PDE10A: variants seen among roughly 807,000 people sequenced by gnomAD.
PDE10A encodes the protein phosphodiesterase 10A.
PDE10A carries 39 observed loss-of-function variants against 97.7 expected under a neutral mutation model. The ratio of observed to expected loss-of-function variants is 0.40; its 90% CI spans 0.31 to 0.52. The LOEUF is 0.52. Ranked by LOEUF, PDE10A falls within the 20% of genes least tolerant of loss-of-function variation. The pLI is 0.56. For synonymous variants in PDE10A, 371 were observed against 376.8 expected (o/e 0.98, Z 0.18); for missense variants, 731 against 1,047.8 (o/e 0.70, Z 4.17).
At chr6:165,612,299 A>G (rs981823373) in intron 1 of PDE10A, among the ~76,000 whole-genome samples, 2 of 152,206 alleles carry the variant, frequency 1.3e-5, no homozygotes, top group African/African-American at 4.8e-5. Flanking sequence ...AGCAAACATC[A>G]GGAATGCTCT....
In PDE10A at chr6:165,379,201, A is replaced by G; in HGVS notation, c.2776T>C (p.Ser926Pro). 6.2e-7 allele frequency: 1 copy of G among 1,600,668 alleles called. No individual in the cohort carries two copies. Among genetic ancestry groups the G allele is most frequent in the Non-Finnish European group, 8.5e-7 (1 of 1,174,694 alleles). ...QTGSLNLNNQSHRDRVIGLMM... is the reference protein window; with the variant it reads ...QTGSLNLNNQPHRDRVIGLMM... ...TTTAAAAATTATTTTTACCTATGTG[A>G]TTGATTATTAAGGTTTAGTGATCCG... Residue 926 changes from serine to proline, a missense_variant, in exon 18 of 22, where the codon TCA becomes CCA. By Grantham distance (74) the Ser-to-Pro change is moderately conservative. This residue lies in a region of PDE10A where 96 missense variants were observed against 156.7 expected (regional missense o/e 0.61). Coordinates refer to ENST00000539869, the MANE Select transcript of PDE10A (RefSeq NM_001385079.1).
At chr6:165,395,923 G>A (rs1274524954) in intron 14 of PDE10A, among the ~76,000 whole-genome samples, 2 of 152,062 alleles carry the variant, frequency 1.3e-5, no homozygotes, top group Non-Finnish European at 2.9e-5. Flanking sequence ...CAGTATGAGA[G>A]TCAAACTATG....
chr6:165,367,751 G>A (rs561208627), intron 18 of PDE10A, among the ~76,000 whole-genome samples: 2 of 151,158 alleles, frequency 1.3e-5, no homozygotes, highest in African/African-American at 2.4e-5. Flanking sequence ...TCTAAGTCCA[G>A]TGAAAATATC....
chr6:165,839,891 C>CCTCATCCCCATCCTATCT (rs1780185345), intron 1 of PDE10A, among the ~76,000 whole-genome samples: 1 of 143,486 alleles, frequency 7.0e-6, no homozygotes, highest in African/African-American at 2.6e-5. Context: ...CTGTCTCCAT[C>CCTCATCCCCATCCTATCT]CCCATTCCCA....
At chr6:165,827,751 G>A (rs117688664) in intron 1 of PDE10A, among the ~76,000 whole-genome samples, 5,570 of 152,194 alleles carry the variant, frequency 0.037, 136 homozygotes, top group Middle Eastern at 0.078. Flanking sequence ...TTGGTCACCC[G>A]TCACCCAAGC....
rs758029619 is a variant in PDE10A at position 165,703,774 on chromosome 6, C to G, written c.-614-160206G>C. Among the ~76,000 whole-genome samples the G allele has an allele frequency of 1.7e-3, 266 of 152,358 alleles. 2 individuals are homozygous for G. Among genetic ancestry groups the G allele is most frequent in the Non-Finnish European group, 6.0e-4 (41 of 68,038 alleles). On this transcript the variant is annotated intron_variant, in intron 1 of 19. Coordinates refer to the PDE10A transcript ENST00000366882. ...GCCCTCCATGGGTCCTCCCATCTCC[C>G]TGCTTCCATCCCGTCAGTCCCCCCA... is the stretch of plus-strand genomic sequence containing the variant.
At chr6:165,861,500 G>T (rs1331066758) in intron 1 of PDE10A, among the ~76,000 whole-genome samples, 1 of 151,828 alleles carries the variant, frequency 6.6e-6, no homozygotes, top group Non-Finnish European at 1.5e-5. Flanking sequence ...CATAAAGGGG[G>T]GACGAGGGCC....
intron 1 of PDE10A, among the ~76,000 whole-genome samples, chr6:165,543,821 C>T (rs1272264398): frequency 6.7e-6 from 1 of 148,672 alleles, no homozygotes; most frequent in Non-Finnish European, 1.5e-5. Flanking sequence ...CTAAATTGTA[C>T]GCTTAAAACA....
At chr6:165,350,194 G>T (rs1782604117) in intron 18 of PDE10A, among the ~76,000 whole-genome samples, 1 of 152,214 alleles carries the variant, frequency 6.6e-6, no homozygotes, top group Admixed American at 6.5e-5. Flanking sequence ...AGCCGGGAGG[G>T]TAACTGTATC....
intron 1 of PDE10A, among the ~76,000 whole-genome samples, chr6:165,883,429 C>T (rs1781541411): frequency 6.6e-6 from 1 of 151,870 alleles, no homozygotes; most frequent in Non-Finnish European, 1.5e-5. Context: ...GTAATCCCAG[C>T]TACTCAGGAG....
chr6:165,745,857 G>A (rs1399023477), intron 1 of PDE10A, among the ~76,000 whole-genome samples: 10 of 152,184 alleles, frequency 6.6e-5, no homozygotes, highest in Admixed American at 6.5e-4. Context: ...AGAGAGGCAG[G>A]GTTACTCCTG....
intron 1 of PDE10A, among the ~76,000 whole-genome samples, chr6:165,771,126 C>G (rs1777997361): frequency 1.3e-5 from 2 of 152,190 alleles, no homozygotes; most frequent in African/African-American, 4.8e-5. Flanking sequence ...CAACCAATGG[C>G]TGAAAGAAAG....
intron 1 of PDE10A, among the ~76,000 whole-genome samples, chr6:165,619,120 T>C (rs565665823): frequency 4.6e-5 from 6 of 131,492 alleles, no homozygotes; most frequent in Non-Finnish European, 9.3e-5. Context: ...TAGTGTAGTC[T>C]AGCATAGTCT....
intron 1 of PDE10A, among the ~76,000 whole-genome samples, chr6:165,590,965 T>G (rs989272903): frequency 2.0e-5 from 3 of 152,150 alleles, no homozygotes; most frequent in African/African-American, 7.2e-5. Flanking sequence ...TGTATGTAAT[T>G]TCCCCTCAGC....
intron 1 of PDE10A, among the ~76,000 whole-genome samples, chr6:165,986,952 C>G (rs933469561): frequency 2.0e-5 from 2 of 97,574 alleles, no homozygotes; most frequent in African/African-American, 4.4e-5. Context: ...ATCACAGGAT[C>G]TTTTGCAGAA....
chr6:165,687,806 C>A lies in PDE10A; in HGVS notation c.-614-144238G>T, dbSNP rs199975122. ...AACACTACATGGTGTTTACTCTTTGCCAGACATTATTTTAAGCCCTTCCCA... is the reference window on the plus strand; with the variant it reads ...AACACTACATGGTGTTTACTCTTTGACAGACATTATTTTAAGCCCTTCCCA... On this transcript the variant is annotated intron_variant, in intron 1 of 19. Coordinates refer to the PDE10A transcript ENST00000366882. Among the ~76,000 whole-genome samples the A allele has an allele frequency of 5.9e-5, 9 of 152,278 alleles. No homozygotes were observed. In the East Asian group the frequency reaches 1.5e-3, roughly 26 times the overall value.
chr6:165,680,641 G>C (rs1470448697), intron 1 of PDE10A, among the ~76,000 whole-genome samples: 2 of 152,180 alleles, frequency 1.3e-5, no homozygotes, highest in Non-Finnish European at 2.9e-5. Context: ...CGGGGGCTCA[G>C]GTCTGTAATC....
intron 3 of PDE10A, among the ~76,000 whole-genome samples, chr6:165,462,548 C>T (rs1053405424): frequency 1.3e-5 from 2 of 152,140 alleles, no homozygotes; most frequent in Admixed American, 6.5e-5. Flanking sequence ...AGCCAGATGC[C>T]GAGGAAGAGA....
At chr6:165,575,264 A>C (rs1232950204) in intron 1 of PDE10A, among the ~76,000 whole-genome samples, 1 of 152,234 alleles carries the variant, frequency 6.6e-6, no homozygotes, top group Non-Finnish European at 1.5e-5. Context: ...AAATGCAGTC[A>C]TGTCAATTCT....
Sources: allele counts gnomAD v4.1 joint callset (sites outside exome capture counted in the v4.1 genomes callset), GRCh38; gene constraint gnomAD v4.1.1; regional missense constraint gnomAD v4.1.1; transcripts MANE v1.5; gene names NCBI Gene and HGNC (gene_info 2026-07-23, HGNC 2026-07-21).